SLC35B4: variants seen among roughly 807,000 people sequenced by gnomAD.
The protein encoded by SLC35B4 is solute carrier family 35 member B4.
Under a neutral mutation model 39.5 loss-of-function variants are expected in SLC35B4, and 28 were observed. That is an observed-to-expected ratio of 0.71 (90% CI 0.53 to 0.97). The LOEUF (loss-of-function observed/expected upper bound fraction) is 0.97. SLC35B4 is among the 50% of genes least tolerant of loss of function. SLC35B4 has a pLI of 0.00. For synonymous variants in SLC35B4, 145 were observed against 150.4 expected (o/e 0.96, Z 0.26); for missense variants, 334 against 414.3 (o/e 0.81, Z 1.68).
chr7:134,307,945 G>A (rs911209884), intron 2 of SLC35B4, among the ~76,000 whole-genome samples: 1 of 152,190 alleles, frequency 6.6e-6, no homozygotes, highest in Admixed American at 6.5e-5. Context: ...AATTTTCTTA[G>A]TTCTACCTTG....
At chr7:134,308,747 T>C (rs1268622623) in intron 2 of SLC35B4, among the ~76,000 whole-genome samples, 1 of 152,228 alleles carries the variant, frequency 6.6e-6, no homozygotes, top group Non-Finnish European at 1.5e-5. Context: ...AGGCTGAGTT[T>C]TCAATACACT....
chr7:134,316,812 C>G lies in SLC35B4; in HGVS notation c.-61G>C. The G allele has an allele frequency of 6.6e-7, 1 of 1,510,966 alleles. No homozygotes were observed. 93.6% of individuals were successfully genotyped at this position (1,510,966 alleles called of 1,614,324 possible). A position where few individuals can be genotyped will look rare whatever the true frequency, so the allele number is the denominator to read the frequency against. ...TAAGCGCCCGCCTGTACCGCTACCC[C>G]AGGAAGCCGGCCTCCTGCCTCTTCG... On this transcript the variant is annotated 5_prime_UTR_variant, in exon 1 of 10. Transcript: ENST00000378509.
At chr7:134,302,920 G>A (rs1256217198) in intron 4 of SLC35B4, among the ~76,000 whole-genome samples, 1 of 152,192 alleles carries the variant, frequency 6.6e-6, no homozygotes, top group Non-Finnish European at 1.5e-5. Context: ...ACGCTAGAGA[G>A]CGGTTGGGGA....
At chr7:134,295,568 C>T (rs778989530) in intron 9 of SLC35B4, among the ~76,000 whole-genome samples, 12 of 152,000 alleles carry the variant, frequency 7.9e-5, no homozygotes, top group African/African-American at 1.9e-4. Context: ...TTTTAAAAAA[C>T]GAAAACTTGA....
At chr7:134,310,583 C>T (rs1412258150) in intron 1 of SLC35B4, among the ~76,000 whole-genome samples, 4 of 148,990 alleles carry the variant, frequency 2.7e-5, no homozygotes. Flanking sequence ...CTCGCTCTGT[C>T]GCCCAGGCTG....
chr7:134,294,719 C>T lies in SLC35B4; in HGVS notation c.*114G>A. ...GTCCCCTCCTGAAGATTTCCTTTTG[C>T]ACGGCTGGCTCAGCACTGCGGGTAG... On this transcript the variant is annotated 3_prime_UTR_variant, in exon 10 of 10. Coordinates refer to ENST00000378509, the MANE Select transcript of SLC35B4 (RefSeq NM_032826.5). The T allele has an allele frequency of 2.9e-6, 4 of 1,374,874 alleles. No homozygotes were observed. Among genetic ancestry groups the T allele is most frequent in the East Asian group, 2.3e-5 (1 of 42,656 alleles). The allele number at this position is 1,374,874 out of a possible 1,614,324, so 85.2% of individuals were successfully genotyped here.
At position 134,296,455 on chromosome 7, in the gene SLC35B4, T is replaced by G. The variant is rs765595625; in HGVS notation, c.685A>C (p.Ile229Leu). The change falls in exon 9 of 10, where the codon ATT becomes CTT. Residue 229 changes from isoleucine to leucine, a missense_variant. By Grantham distance (5) the Ile-to-Leu change is conservative. Coordinates refer to ENST00000378509, the MANE Select transcript of SLC35B4 (RefSeq NM_032826.5). ...GGCAGGGTCACTCCGATGACGGGAA[T>G]TTCATATAACTCTGTAGAGGTTACA... is the stretch of plus-strand genomic sequence containing the variant. The part of the protein sequence containing the change: ...VLFNKSELYE[I>L]PVIGVTLPIM... The G allele has an allele frequency of 6.2e-7, 1 of 1,613,496 alleles. No homozygotes were observed. The highest frequency in any genetic ancestry group is 1.1e-5 in the South Asian group (1 of 90,910).
Position 134,301,833 on chromosome 7 carries a change from GA to G in SLC35B4, c.427-13del. 3 of 1,613,368 alleles carry G rather than the reference GA, an allele frequency of 1.9e-6. No homozygotes were observed. In the Middle Eastern group the frequency reaches 4.9e-4, roughly 266 times the overall value. On this transcript the variant is annotated splice_polypyrimidine_tract_variant and intron_variant, in intron 5 of 9. Coordinates refer to ENST00000378509, the MANE Select transcript of SLC35B4 (RefSeq NM_032826.5). ...CTGGACTGGGAAGTCTAGGAAATAA[GA>G]AAATAAACTAGGTACAGAGAGCAGA...
intron 3 of SLC35B4, 37 bp downstream of exon 3, chr7:134,306,635 T>C (rs1441008007): frequency 2.6e-6 from 4 of 1,547,624 alleles, no homozygotes; most frequent in South Asian, 1.1e-5. Flanking sequence ...ACTATACTTT[T>C]CAGAGGAACA....
intron 2 of SLC35B4, among the ~76,000 whole-genome samples, chr7:134,307,077 T>G (rs187146088): frequency 6.6e-6 from 1 of 152,220 alleles, no homozygotes; most frequent in African/African-American, 2.4e-5. Context: ...CATATACCTC[T>G]GAAGAACTTG....
intron 1 of SLC35B4, among the ~76,000 whole-genome samples, chr7:134,314,268 C>A (rs1803918244): frequency 1.3e-5 from 2 of 152,124 alleles, no homozygotes; most frequent in Non-Finnish European, 2.9e-5. Context: ...GCTTCACATG[C>A]GCATCTCACT....
Position 134,291,806 on chromosome 7 carries a change from A to T in SLC35B4, c.*3027T>A, listed in dbSNP as rs569167866. The T allele has an allele frequency of 7.2e-5, 11 of 152,374 alleles. No individual in the cohort carries two copies. The East Asian group carries it at 2.1e-3, about 29-fold the overall frequency. The allele number at this position is 152,374 out of a possible 1,614,324, so 9.4% of individuals were successfully genotyped here. ...AAAAGAAAACAAAGAATCAAAAATA[A>T]ATTACTAATAAACATGAAAAAGATA... On this transcript the variant is annotated 3_prime_UTR_variant, in exon 10 of 10. Transcript: ENST00000378509.
At chr7:134,307,130 T>G (rs1369296927) in intron 2 of SLC35B4, among the ~76,000 whole-genome samples, 1 of 152,216 alleles carries the variant, frequency 6.6e-6, no homozygotes, top group Non-Finnish European at 1.5e-5. Context: ...TACACTTGTT[T>G]GTACTGTTAA....
rs549192339 is a variant in SLC35B4, at chr7:134,296,226, T to C, written c.749+165A>G. 6.6e-5 allele frequency among the ~76,000 whole-genome samples: 10 copies of C among 152,298 alleles called. No individual in the cohort carries two copies. In the East Asian group the frequency reaches 1.9e-3, roughly 29 times the overall value. ...TACACCACTAGCATCTCTTCTGCCC[T>C]CTACAAGGAGTTCCCTGAATTGGTC... On this transcript the variant is annotated intron_variant, in intron 9 of 9. Coordinates refer to ENST00000378509, the MANE Select transcript of SLC35B4 (RefSeq NM_032826.5).
rs765638220 is a variant in SLC35B4 at position 134,294,874 on chromosome 7, T to C, written c.955A>G (p.Thr319Ala). ...TCCTTCTGAGGCTCACTTTTTGTGG[T>C]CCCTAGGTTGTTCCACACCTCTGTG... ...MYTEVWNNLG[T>A]TKSEPQKDSK... Residue 319 changes from threonine (T) to alanine (A), a missense_variant, in exon 10 of 10, where the codon ACC becomes GCC. Coordinates refer to ENST00000378509, the MANE Select transcript of SLC35B4 (RefSeq NM_032826.5). 6.2e-7 allele frequency: 1 copy of C among 1,614,132 alleles called. No homozygotes were observed. The highest frequency in any genetic ancestry group is 2.2e-5 in the East Asian group (1 of 44,870).
chr7:134,316,761 A>G lies in SLC35B4; in HGVS notation c.-10T>C. ...CCAAGGCCGGGCGCATGGCCGGTGC[A>G]GGGTTGGGGAAGCAAGCGCACAGAG... On this transcript the variant is annotated 5_prime_UTR_variant, in exon 1 of 10. Coordinates refer to ENST00000378509, the MANE Select transcript of SLC35B4 (RefSeq NM_032826.5). 1 of 1,545,774 alleles carries G rather than the reference A, an allele frequency of 6.5e-7. No homozygotes were observed. Among genetic ancestry groups the G allele is most frequent in the African/African-American group, 1.4e-5 (1 of 73,110 alleles).
chr7:134,306,592 C>T, intron 3 of SLC35B4, 80 bp downstream of exon 3: 1 of 1,167,656 alleles, frequency 8.6e-7, no homozygotes, highest in East Asian at 2.4e-5. Context: ...CAAGAACCTT[C>T]TAGTTCTGCC....
At chr7:134,303,826 G>C (rs146196069) in intron 4 of SLC35B4, among the ~76,000 whole-genome samples, 3 of 152,192 alleles carry the variant, frequency 2.0e-5, no homozygotes, top group East Asian at 1.9e-4. Flanking sequence ...AGGAGTGAGG[G>C]GTGAACCTCA....
chr7:134,316,930 G>C lies in SLC35B4; in HGVS notation c.-179C>G. 6.5e-6 allele frequency: 4 copies of C among 611,958 alleles called. No individual in the cohort carries two copies. In the South Asian group the frequency reaches 7.9e-5, roughly 12 times the overall value. 37.9% of individuals were successfully genotyped at this position (611,958 alleles called of 1,614,324 possible). A position where few individuals can be genotyped will look rare whatever the true frequency, so the allele number is the denominator to read the frequency against. On this transcript the variant is annotated 5_prime_UTR_variant, in exon 1 of 10. Transcript: ENST00000378509. The stretch of plus-strand genomic sequence containing the variant: ...CCGCGGCCAACACCGACGCTGCCAA[G>C]AAGCTGTAGTTCGCAGTCAGCTTCG...
Sources: gnomAD v4.1 joint callset for allele counts (sites outside exome capture counted in the v4.1 genomes callset) on GRCh38, gnomAD v4.1.1 for gene constraint, MANE v1.5 for transcripts, NCBI Gene and HGNC (gene_info 2026-07-23, HGNC 2026-07-21) for gene names.